The following ALMS1 variants were observed in gnomAD, a reference collection of about 807,000 sequenced individuals.
The protein encoded by ALMS1 is ALMS1 centrosome and basal body associated protein.
In ALMS1, 271 loss-of-function variants were observed where a neutral mutation model predicts 352.2. The observed-to-expected ratio is 0.77, with a 90% confidence interval of 0.70 to 0.85. The LOEUF (loss-of-function observed/expected upper bound fraction) is 0.85. Ranked by LOEUF, ALMS1 falls within the 40% of genes least tolerant of loss-of-function variation. ALMS1 has a pLI of 0.00. For missense variants in ALMS1, 5,445 were observed against 4,870.7 expected (o/e 1.12, Z -3.51); for synonymous variants, 1,865 against 1,761.2 (o/e 1.06, Z -1.48).
chr2:73,581,136 G>A (rs949607660), intron 16 of ALMS1, among the ~76,000 whole-genome samples: 5 of 152,126 alleles, frequency 3.3e-5, no homozygotes, highest in Admixed American at 6.5e-5. Context: ...AAGCCCTTAT[G>A]CCCCAAAGAT....
intron 16 of ALMS1, among the ~76,000 whole-genome samples, chr2:73,591,917 A>G (rs973398116): frequency 2.0e-5 from 3 of 152,202 alleles, no homozygotes; most frequent in Admixed American, 6.5e-5. Context: ...CTGTGAGTTA[A>G]TTGAGTGTTT....
rs1553409754 is a variant in ALMS1, at chr2:73,490,588, CCTT to C, written c.8633_8635del (p.Ser2878del). On this transcript the variant is annotated inframe_deletion, in exon 10 of 23. Transcript: ENST00000613296. ...GAATGTAACTATAACTCCAGATCTT[CCTT>C]CTTGCATTTTTCTTGAACAACGAGA... 3 of 1,614,156 alleles carry C rather than the reference CCTT, an allele frequency of 1.9e-6. No homozygotes were observed. Among genetic ancestry groups the C allele is most frequent in the Non-Finnish European group, 2.5e-6 (3 of 1,180,020 alleles).
At chr2:73,439,415 C>T (rs767109709) in intron 7 of ALMS1, among the ~76,000 whole-genome samples, 5 of 151,948 alleles carry the variant, frequency 3.3e-5, no homozygotes, top group Non-Finnish European at 5.9e-5. Context: ...CCACCGTACC[C>T]GGCCTTTTTA....
At position 73,542,050 on chromosome 2, in the gene ALMS1, G is replaced by A. The variant is rs544912538; in HGVS notation, c.9907+7101G>A. On this transcript the variant is annotated intron_variant, in intron 12 of 22. Coordinates refer to ENST00000613296, the MANE Select transcript of ALMS1 (RefSeq NM_001378454.1). ...AGCATCATCCTGATACCAAAGCCTGGCAGAGACACAACCAAAAAACAGAAT... is the reference window on the plus strand; with the variant it reads ...AGCATCATCCTGATACCAAAGCCTGACAGAGACACAACCAAAAAACAGAAT... 1.3e-3 allele frequency among the ~76,000 whole-genome samples: 199 copies of A among 152,248 alleles called. 1 individual carries two copies. Among genetic ancestry groups the A allele is most frequent in the Non-Finnish European group, 2.2e-3 (149 of 68,018 alleles).
rs376610564 is a variant in ALMS1, at chr2:73,432,306, G to A, written c.1432+15G>A. On this transcript the variant is annotated intron_variant, in intron 7 of 22. Coordinates refer to ENST00000613296, the MANE Select transcript of ALMS1 (RefSeq NM_001378454.1). ...TTTAAAAGCAGGTACGTAGAAAAAG[G>A]AGATAGTAAATGTCCTACTTACGGA... The A allele has an allele frequency of 5.1e-6, 8 of 1,580,982 alleles. No homozygotes were observed. The African/African-American group carries it at 1.1e-4, about 21-fold the overall frequency.
At chr2:73,563,086 T>A (rs1674698419) in intron 15 of ALMS1, among the ~76,000 whole-genome samples, 1 of 149,706 alleles carries the variant, frequency 6.7e-6, no homozygotes, top group Non-Finnish European at 1.5e-5. Context: ...TAAACTAAAT[T>A]CACCTATATT....
At chr2:73,591,058 C>T (rs1187140548) in intron 16 of ALMS1, among the ~76,000 whole-genome samples, 2 of 152,132 alleles carry the variant, frequency 1.3e-5, no homozygotes, top group Non-Finnish European at 2.9e-5. Flanking sequence ...AATCTTCCCA[C>T]CTAAGCCTTC....
At chr2:73,510,605 C>T (rs1407013830) in intron 10 of ALMS1, among the ~76,000 whole-genome samples, 1 of 152,138 alleles carries the variant, frequency 6.6e-6, no homozygotes, top group Non-Finnish European at 1.5e-5. Context: ...CAGAGGGGCA[C>T]CCGCCAGATG....
At chr2:73,575,062 G>A (rs1188453367) in intron 16 of ALMS1, among the ~76,000 whole-genome samples, 1 of 152,120 alleles carries the variant, frequency 6.6e-6, no homozygotes, top group Non-Finnish European at 1.5e-5. Flanking sequence ...TAGACACAGT[G>A]TTTTGAATAT....
At chr2:73,541,445 A>G (rs533048909) in intron 12 of ALMS1, among the ~76,000 whole-genome samples, 3 of 152,362 alleles carry the variant, frequency 2.0e-5, no homozygotes, top group African/African-American at 7.2e-5. Flanking sequence ...TGACAGCCTA[A>G]CATCACAATT....
chr2:73,452,110 TGAGCAG>T lies in ALMS1; in HGVS notation c.5587_5592del (p.Gln1863_Glu1864del). ...AGAGAGAGCACTCTGTCATTTCTTA[TGAGCAG>T]GAGTTGCCAGATCTTACTGAAGTAA... On this transcript the variant is annotated inframe_deletion, in exon 8 of 23. Coordinates refer to ENST00000613296, the MANE Select transcript of ALMS1 (RefSeq NM_001378454.1). 1 of 1,613,836 alleles carries T rather than the reference TGAGCAG, an allele frequency of 6.2e-7. No homozygotes were observed. Among genetic ancestry groups the T allele is most frequent in the Non-Finnish European group, 8.5e-7 (1 of 1,179,928 alleles).
intron 10 of ALMS1, among the ~76,000 whole-genome samples, chr2:73,493,840 AG>A (rs1420167261): frequency 1.3e-5 from 2 of 152,240 alleles, no homozygotes; most frequent in African/African-American, 4.8e-5. Flanking sequence ...GAAATAGCAC[AG>A]AGAGTTTCTG....
chr2:73,459,564 A>G (rs961717782), intron 9 of ALMS1: 4 of 152,294 alleles, frequency 2.6e-5, no homozygotes, highest in Non-Finnish European at 5.9e-5. Flanking sequence ...TTATATCATT[A>G]TGGACTCTTG....
chr2:73,569,046 G>A (rs10181563), intron 15 of ALMS1, among the ~76,000 whole-genome samples: 2 of 115,910 alleles, frequency 1.7e-5, no homozygotes, highest in Non-Finnish European at 3.5e-5. Flanking sequence ...ATGAAGTCTC[G>A]CTCTGTCGCC....
At position 73,491,296 on chromosome 2, in the gene ALMS1, T is replaced by C. The variant is rs1572970696; in HGVS notation, c.9337T>C (p.Ser3113Pro). Residue 3113 changes from serine (S) to proline (P), a missense_variant, in exon 10 of 23, where the codon TCT (serine) becomes CCT (proline). Transcript: ENST00000613296. ...TAAACCTGTAGCACAGGATCAAGAA[T>C]CTTTAGGTTTTCTAGGACCTAAATC... ...TSKPVAQDQE[S>P]LGFLGPKSSL... The C allele has an allele frequency of 2.5e-6, 4 of 1,614,200 alleles. No individual in the cohort carries two copies. Among genetic ancestry groups the C allele is most frequent in the Non-Finnish European group, 2.5e-6 (3 of 1,180,018 alleles).
chr2:73,542,902 G>A (rs1280512401), intron 12 of ALMS1, among the ~76,000 whole-genome samples: 4 of 152,068 alleles, frequency 2.6e-5, no homozygotes, highest in East Asian at 1.9e-4. Flanking sequence ...ATGCTCATGG[G>A]TAGGAAGAAT....
At chr2:73,494,257 T>A (rs1673057486) in intron 10 of ALMS1, among the ~76,000 whole-genome samples, 1 of 152,178 alleles carries the variant, frequency 6.6e-6, no homozygotes, top group Non-Finnish European at 1.5e-5. Flanking sequence ...TGAGTCACTG[T>A]CTAAAGCTCT....
chr2:73,562,210 G>C (rs1384695816), intron 15 of ALMS1, among the ~76,000 whole-genome samples: 1 of 152,194 alleles, frequency 6.6e-6, no homozygotes, highest in African/African-American at 2.4e-5. Flanking sequence ...CTGTTGCCCA[G>C]GCTGGAGTGC....
rs576128623 is a variant in ALMS1 at position 73,461,981 on chromosome 2, G to C, written c.7674+6686G>C. Reference sequence around the variant, plus strand: ...GAAAAGACCAAATCTACGTCTGATTGGTGTACCTGAAAGTGACAGGGAGAA... The same window carrying C: ...GAAAAGACCAAATCTACGTCTGATTCGTGTACCTGAAAGTGACAGGGAGAA... On this transcript the variant is annotated intron_variant, in intron 9 of 22. Coordinates refer to ENST00000613296, the MANE Select transcript of ALMS1 (RefSeq NM_001378454.1). 6.0e-4 allele frequency among the ~76,000 whole-genome samples: 92 copies of C among 152,128 alleles called. 1 individual carries two copies. Among genetic ancestry groups the C allele is most frequent in the African/African-American group, 2.0e-3 (83 of 41,390 alleles).
Sources: gnomAD v4.1 joint callset for allele counts (sites outside exome capture counted in the v4.1 genomes callset) on GRCh38, gnomAD v4.1.1 for gene constraint, MANE v1.5 for transcripts, NCBI Gene and HGNC (gene_info 2026-07-23, HGNC 2026-07-21) for gene names.